Variants in TAF8 observed in about 807,000 individuals in gnomAD.
The protein encoded by TAF8 is transcription initiation factor TFIID subunit 8.
A neutral mutation model predicts 36.5 loss-of-function variants in TAF8; 47 were observed. That is an observed-to-expected ratio of 1.29 (90% CI 1.02 to 1.64). The LOEUF is 1.64. Ranked by LOEUF, TAF8 falls within the 40% of genes most tolerant of loss-of-function variation. The pLI is 0.00. For synonymous variants in TAF8, 175 were observed against 159.5 expected (o/e 1.10, Z -0.73); for missense variants, 420 against 407.6 (o/e 1.03, Z -0.26).
In TAF8 at chr6:42,080,587, G is replaced by C; in HGVS notation, c.*3042G>C. On this transcript the variant is annotated 3_prime_UTR_variant, in exon 9 of 9. Transcript: ENST00000372977. ...GACGGGGTTTCACCAGGTTGGCCAG[G>C]GTGGTCTCGAACACCTGACCTCAGA... 1 of 634,270 alleles carries C rather than the reference G, an allele frequency of 1.6e-6. No homozygotes were observed. Among genetic ancestry groups the C allele is most frequent in the Non-Finnish European group, 2.0e-6 (1 of 509,698 alleles). 39.3% of individuals were successfully genotyped at this position (634,270 alleles called of 1,614,324 possible).
chr6:42,084,049 C>T (rs1195566045), downstream of TAF8, among the ~76,000 whole-genome samples: 3 of 151,894 alleles, frequency 2.0e-5, no homozygotes, highest in Admixed American at 2.0e-4. Flanking sequence ...GGCATGGTGG[C>T]GGGTGCCTGT....
chr6:42,053,899 G>A (rs1183227221), intron 2 of TAF8, among the ~76,000 whole-genome samples: 1 of 152,184 alleles, frequency 6.6e-6, no homozygotes, highest in African/African-American at 2.4e-5. Flanking sequence ...TAAAAGTCAT[G>A]TCTAGAGGCT....
In TAF8 at chr6:42,080,523, C is replaced by T. The variant is rs1336085296; in HGVS notation, c.*2978C>T. On this transcript the variant is annotated 3_prime_UTR_variant, in exon 9 of 9. Transcript: ENST00000372977. ...GAGTAGCTGGGATTACAGGCACCTA[C>T]CACAATTCTCGGCTAATTTTTTTTG... 1 of 452,990 alleles carries T rather than the reference C, an allele frequency of 2.2e-6. No individual in the cohort carries two copies. The highest frequency in any genetic ancestry group is 2.9e-6 in the Non-Finnish European group (1 of 343,664). 28.1% of individuals were successfully genotyped at this position (452,990 alleles called of 1,614,324 possible).
rs1348124652 is a variant in TAF8, at chr6:42,051,501, A to C, written c.190A>C (p.Met64Leu). 1 of 1,613,910 alleles carries C rather than the reference A, an allele frequency of 6.2e-7. No individual in the cohort carries two copies. The stretch of plus-strand genomic sequence containing the variant: ...AGCATCCGTGGAAACGCTGACAGAG[A>C]TGCTGCAGAGCTGTGAGTACATGGA... ...EKASVETLTE[M>L]LQSYISEIGR... Residue 64 changes from methionine to leucine, a missense_variant, in exon 2 of 9, where the codon ATG becomes CTG. Coordinates refer to ENST00000372977, the MANE Select transcript of TAF8 (RefSeq NM_138572.3).
At chr6:42,050,901 T>G (rs1764750475) in intron 1 of TAF8, 24 of 1,184,990 alleles carry the variant, frequency 2.0e-5, no homozygotes, top group Non-Finnish European at 2.3e-5. Context: ...TTCAAAATAT[T>G]TAGCTTTCTT....
chr6:42,084,880 C>G (rs1766002980), downstream of TAF8, among the ~76,000 whole-genome samples: 3 of 152,244 alleles, frequency 2.0e-5, no homozygotes, highest in South Asian at 2.1e-4. Flanking sequence ...CTGCCCTGCT[C>G]TCTCCTAACC....
At chr6:42,086,160 C>G (rs1766021788), downstream of TAF8, among the ~76,000 whole-genome samples, 1 of 152,194 alleles carries the variant, frequency 6.6e-6, no homozygotes, top group Non-Finnish European at 1.5e-5. Context: ...TTTGTTGGAG[C>G]AGCCTGAGCA....
At chr6:42,085,455 G>C (rs182743327), downstream of TAF8, among the ~76,000 whole-genome samples, 4 of 152,140 alleles carry the variant, frequency 2.6e-5, no homozygotes, top group Non-Finnish European at 4.4e-5. Context: ...TAAAATCCCC[G>C]AGGTGATAAT....
At position 42,066,186 on chromosome 6, in the gene TAF8, C is replaced by G. The variant is rs1765354196; in HGVS notation, c.490-126C>G. On this transcript the variant is annotated intron_variant, in intron 5 of 8. Coordinates refer to ENST00000372977, the MANE Select transcript of TAF8 (RefSeq NM_138572.3). ...AAAGTGCTGGGATTACAGGTGTGAG[C>G]CACTGTGCCTGGCCTGGTATTGGGT... 2.5e-5 allele frequency: 30 copies of G among 1,179,456 alleles called. No homozygotes were observed. In the South Asian group the frequency reaches 4.1e-4, roughly 16 times the overall value. 73.1% of individuals were successfully genotyped at this position (1,179,456 alleles called of 1,614,324 possible).
intron 1 of TAF8, 200 bp from the exon 2 acceptor site, chr6:42,051,156 GC>G (rs2127446753): frequency 7.7e-7 from 1 of 1,292,606 alleles, no homozygotes; most frequent in East Asian, 3.0e-5. Flanking sequence ...TTTTAGGTAA[GC>G]GGAGAAGTGG....
intron 5 of TAF8, among the ~76,000 whole-genome samples, chr6:42,058,691 C>G (rs1009863463): frequency 1.3e-5 from 2 of 152,154 alleles, no homozygotes; most frequent in African/African-American, 4.8e-5. Flanking sequence ...TCAGATCTCT[C>G]TATTAGTTTC....
At chr6:42,073,513 T>C (rs1765651495) in intron 7 of TAF8, among the ~76,000 whole-genome samples, 1 of 152,138 alleles carries the variant, frequency 6.6e-6, no homozygotes, top group South Asian at 2.1e-4. Context: ...AGGAGGAGTC[T>C]TCAGTTTTTA....
rs72855249 is a variant in TAF8, at chr6:42,071,774, G to A, written c.780+3167G>A. 9.2e-3 allele frequency among the ~76,000 whole-genome samples: 1,399 copies of A among 152,234 alleles called. 12 individuals carry two copies. Among genetic ancestry groups the A allele is most frequent in the Non-Finnish European group, 0.013 (879 of 68,016 alleles). On this transcript the variant is annotated intron_variant, in intron 7 of 8. Transcript: ENST00000372977. ...TGGTGATTGGGTCATGGACTAAGTT[G>A]AGGTTCACCTTATGAGAAAGAGGAA...
chr6:42,050,630 A>C (rs1410522410), intron 1 of TAF8, 44 bp downstream of exon 1: 1 of 1,525,926 alleles, frequency 6.6e-7, no homozygotes, highest in South Asian at 1.2e-5. Context: ...GAGTTTGGGT[A>C]TCCTGCAACT....
chr6:42,076,399 G>A (rs370989915), intron 7 of TAF8, among the ~76,000 whole-genome samples: 131 of 152,270 alleles, frequency 8.6e-4, no homozygotes, highest in African/African-American at 3.1e-3. Flanking sequence ...GCAGTGAGCC[G>A]AGATCACGCC....
At chr6:42,056,949 T>A (rs1765011573) in intron 4 of TAF8, among the ~76,000 whole-genome samples, 1 of 152,194 alleles carries the variant, frequency 6.6e-6, no homozygotes, top group Non-Finnish European at 1.5e-5. Flanking sequence ...TGGCATTTTT[T>A]TAAAAACTCC....
intron 5 of TAF8, among the ~76,000 whole-genome samples, chr6:42,062,038 C>T (rs572307369): frequency 2.1e-4 from 32 of 152,296 alleles, no homozygotes; most frequent in African/African-American, 7.7e-4. Context: ...GAATCTGTCT[C>T]TTCTCTCCCT....
At chr6:42,051,636 T>G in intron 2 of TAF8, 123 bp downstream of exon 2, 1 of 1,149,968 alleles carries the variant, frequency 8.7e-7, no homozygotes, top group East Asian at 2.6e-5. Context: ...AGAAAAAAAA[T>G]TTTTTTTAAT....
chr6:42,082,761 A>G lies in TAF8; in HGVS notation c.*5216A>G, dbSNP rs1021211814. ...TTGCTGAGTAGCATGGAGGCACCAT[A>G]GTTTAACACAGTTTCTTTAACCATT... On this transcript the variant is annotated 3_prime_UTR_variant, in exon 9 of 9. Transcript: ENST00000372977. The G allele has an allele frequency of 6.6e-6, 1 of 152,208 alleles. No homozygotes were observed. Among genetic ancestry groups the G allele is most frequent in the Non-Finnish European group, 1.5e-5 (1 of 68,042 alleles). The allele number at this position is 152,208 out of a possible 1,614,324, so 9.4% of individuals were successfully genotyped here. A position where few individuals can be genotyped will look rare whatever the true frequency, so the allele number is the denominator to read the frequency against.
Sources: gnomAD v4.1 joint callset for allele counts (sites outside exome capture counted in the v4.1 genomes callset) on GRCh38, gnomAD v4.1.1 for gene constraint, MANE v1.5 for transcripts, NCBI Gene and HGNC (gene_info 2026-07-23, HGNC 2026-07-21) for gene names.